DGKI: variants seen among roughly 807,000 people sequenced by gnomAD.
The protein encoded by DGKI is DAG kinase iota.
Under a neutral mutation model 147.5 loss-of-function variants are expected in DGKI, and 55 were observed. That is an observed-to-expected ratio of 0.37 (90% CI 0.30 to 0.47). The LOEUF (loss-of-function observed/expected upper bound fraction) is 0.47, where lower values mean the gene tolerates loss of function less well. Among genes scored for constraint, DGKI ranks in the 20% least tolerant of loss-of-function variants. DGKI has a pLI of 1.00. For synonymous variants in DGKI, 469 were observed against 477.1 expected (o/e 0.98, Z 0.22); for missense variants, 1,007 against 1,323.8 (o/e 0.76, Z 3.71).
intron 20 of DGKI, among the ~76,000 whole-genome samples, chr7:137,523,462 CAG>C (rs1418643928): frequency 6.6e-6 from 1 of 151,922 alleles, no homozygotes; most frequent in African/African-American, 2.4e-5. Flanking sequence ...CACACACACA[CAG>C]ACAGAGAGAG....
intron 21 of DGKI, among the ~76,000 whole-genome samples, chr7:137,503,462 G>GA (rs1232235259): frequency 6.6e-6 from 1 of 152,170 alleles, no homozygotes; most frequent in African/African-American, 2.4e-5. Flanking sequence ...CTTGAGGTGT[G>GA]AAAAGTTCAT....
At chr7:137,569,728 C>CAAAAAAAAAAAAAAAAAAAAAAAAAAAAA (rs60719355) in intron 19 of DGKI, among the ~76,000 whole-genome samples, 3 of 64,618 alleles carry the variant, frequency 4.6e-5, no homozygotes, top group Non-Finnish European at 8.6e-5. Flanking sequence ...GACTCTGTCT[C>CAAAAAAAAAAAAAAAAAAAAAAAAAAAAA]AAAAAAAAAA....
chr7:137,643,498 C>T (rs561477992), intron 6 of DGKI, among the ~76,000 whole-genome samples: 1 of 152,262 alleles, frequency 6.6e-6, no homozygotes, highest in East Asian at 1.9e-4. Context: ...GACAATCCCA[C>T]CCATCCCATA....
chr7:137,662,963 G>A (rs1053462584), intron 3 of DGKI, among the ~76,000 whole-genome samples: 3 of 152,170 alleles, frequency 2.0e-5, no homozygotes, highest in African/African-American at 4.8e-5. Context: ...TCTTACAAAG[G>A]ATACACCAAA....
At chr7:137,700,977 G>C (rs1470521843) in intron 1 of DGKI, among the ~76,000 whole-genome samples, 1 of 152,170 alleles carries the variant, frequency 6.6e-6, no homozygotes, top group African/African-American at 2.4e-5. Flanking sequence ...GAGCCACAAA[G>C]AGAAGTCAGG....
chr7:137,807,096 T>G (rs928683758), intron 1 of DGKI, among the ~76,000 whole-genome samples: 15 of 152,358 alleles, frequency 9.8e-5, no homozygotes, highest in Non-Finnish European at 1.8e-4. Context: ...ATCTGTTCTG[T>G]GTGATTACGA....
At chr7:137,566,883 T>C (rs10242488) in intron 19 of DGKI, among the ~76,000 whole-genome samples, 8,349 of 123,318 alleles carry the variant, frequency 0.068, 581 homozygotes, top group African/African-American at 0.25. Context: ...ACACAGTGTA[T>C]TTCTTTTGAG....
Position 137,424,769 on chromosome 7 carries a change from C to T in DGKI, c.2762-12562G>A, listed in dbSNP as rs547286497. 1.9e-3 allele frequency among the ~76,000 whole-genome samples: 282 copies of T among 152,304 alleles called. 2 individuals carry two copies. Among genetic ancestry groups the T allele is most frequent in the Non-Finnish European group, 1.4e-3 (95 of 68,024 alleles). On this transcript the variant is annotated intron_variant, in intron 28 of 32. Transcript: ENST00000614521. ...CCTGGATTGGAGGGTCCTACGCCCA[C>T]GGAATCTCGCTGATTGCTAGCACAG...
intron 21 of DGKI, among the ~76,000 whole-genome samples, chr7:137,516,779 T>C (rs1383957455): frequency 1.3e-5 from 2 of 152,110 alleles, no homozygotes; most frequent in Non-Finnish European, 2.9e-5. Context: ...AATGGTTGAA[T>C]GGCTCTACCA....
chr7:137,559,875 A>G (rs1221786340), intron 19 of DGKI, among the ~76,000 whole-genome samples: 1 of 152,236 alleles, frequency 6.6e-6, no homozygotes, highest in African/African-American at 2.4e-5. Flanking sequence ...CTGGCAGTAT[A>G]GTGACAGAAT....
At chr7:137,509,688 T>C (rs1198450189) in intron 21 of DGKI, among the ~76,000 whole-genome samples, 1 of 152,194 alleles carries the variant, frequency 6.6e-6, no homozygotes, top group Non-Finnish European at 1.5e-5. Flanking sequence ...GGCAGTTTGA[T>C]AACACCTAAA....
At chr7:137,413,871 A>G (rs1812258316) in intron 28 of DGKI, among the ~76,000 whole-genome samples, 1 of 152,218 alleles carries the variant, frequency 6.6e-6, no homozygotes, top group Non-Finnish European at 1.5e-5. Context: ...TGCTTTCCAC[A>G]GTGGCTAAAC....
chr7:137,584,278 T>C (rs1481612572), intron 14 of DGKI, among the ~76,000 whole-genome samples: 11 of 152,092 alleles, frequency 7.2e-5, no homozygotes, highest in Admixed American at 7.2e-4. Context: ...CACCTGGAGA[T>C]TCTTACACAT....
chr7:137,784,816 A>C (rs1228505719), intron 1 of DGKI, among the ~76,000 whole-genome samples: 1 of 152,020 alleles, frequency 6.6e-6, no homozygotes, highest in African/African-American at 2.4e-5. Context: ...TCAACTCCAA[A>C]AGAACCCCTC....
At chr7:137,644,805 G>C (rs73444506) in intron 6 of DGKI, among the ~76,000 whole-genome samples, 7,085 of 152,198 alleles carry the variant, frequency 0.047, 531 homozygotes, top group African/African-American at 0.15. Flanking sequence ...CCTTAAAGTA[G>C]ATCTTTGTAC....
At chr7:137,746,857 C>A (rs1006766966) in intron 1 of DGKI, among the ~76,000 whole-genome samples, 23 of 152,048 alleles carry the variant, frequency 1.5e-4, no homozygotes, top group Non-Finnish European at 1.5e-5. Context: ...CTAGGGAGAG[C>A]ATTGGCCACC....
chr7:137,520,804 A>G (rs911641359), intron 21 of DGKI, among the ~76,000 whole-genome samples: 1 of 152,068 alleles, frequency 6.6e-6, no homozygotes, highest in African/African-American at 2.4e-5. Context: ...CTTGGACCTC[A>G]GAATTTCCAT....
intron 1 of DGKI, among the ~76,000 whole-genome samples, chr7:137,707,553 A>G (rs928732866): frequency 2.0e-5 from 3 of 152,108 alleles, no homozygotes; most frequent in Admixed American, 1.3e-4. Context: ...TCCCTCTTGG[A>G]GCTGTCATCA....
At chr7:137,712,069 C>A (rs1794233287) in intron 1 of DGKI, among the ~76,000 whole-genome samples, 1 of 151,990 alleles carries the variant, frequency 6.6e-6, no homozygotes. Context: ...ATAGAAATCA[C>A]TATATGAAAG....
Sources: gnomAD v4.1 joint callset for allele counts (sites outside exome capture counted in the v4.1 genomes callset) on GRCh38, gnomAD v4.1.1 for gene constraint, MANE v1.5 for transcripts, NCBI Gene and HGNC (gene_info 2026-07-23, HGNC 2026-07-21) for gene names.